GSE1: variants seen among roughly 807,000 people sequenced by gnomAD.
GSE1 encodes the protein genetic suppressor element 1.
In GSE1, 32 loss-of-function variants were observed where a neutral mutation model predicts 112.6. The ratio of observed to expected loss-of-function variants is 0.28; its 90% CI spans 0.21 to 0.38. The LOEUF (loss-of-function observed/expected upper bound fraction) is 0.38. Ranked by LOEUF, GSE1 falls within the 10% of genes least tolerant of loss-of-function variation. GSE1 has a pLI of 1.00. For missense variants in GSE1, 2,348 were observed against 1,699.2 expected (o/e 1.38, Z -6.71); for synonymous variants, 1,115 against 735.6 (o/e 1.52, Z -8.35).
chr16:85,349,741 C>G (rs994873106), intron 1 of GSE1, among the ~76,000 whole-genome samples: 3 of 152,188 alleles, frequency 2.0e-5, no homozygotes, highest in African/African-American at 7.2e-5. Flanking sequence ...ATGCTGGCGT[C>G]TCTTCCCCCT....
rs773434964 is a variant in GSE1 at position 85,661,419 on chromosome 16, A to G, written c.1914A>G (p.Pro638=). 1.9e-6 allele frequency: 3 copies of G among 1,612,076 alleles called. No homozygotes were observed. The highest frequency in any genetic ancestry group is 2.5e-6 in the Non-Finnish European group (3 of 1,179,680). ...GCCCGGAGAAAGCAGAGGAGGGGCC[A>G]CGGAAGCGTGAGCCTGCCCCTCTGG... is the stretch of plus-strand genomic sequence containing the variant. ...VFCPEKAEEG[P]RKREPAPLDK... Residue 638 remains proline, a synonymous_variant, in exon 9 of 16, where the codon CCA becomes CCG. Coordinates refer to ENST00000253458, the MANE Select transcript of GSE1 (RefSeq NM_014615.5).
At chr16:85,468,570 C>A (rs550230351) in intron 2 of GSE1, among the ~76,000 whole-genome samples, 35 of 152,110 alleles carry the variant, frequency 2.3e-4, no homozygotes, top group African/African-American at 7.9e-4. Flanking sequence ...CACCAGCCCC[C>A]CTCAGCCTCC....
chr16:85,176,944 A>C (rs1239133970), intron 1 of GSE1, among the ~76,000 whole-genome samples: 1 of 152,136 alleles, frequency 6.6e-6, no homozygotes, highest in Admixed American at 6.5e-5. Flanking sequence ...CCTGGTCAGG[A>C]CTGATTGGAA....
chr16:85,602,967 T>C (rs2047531594), intron 1 of GSE1, among the ~76,000 whole-genome samples: 1 of 152,220 alleles, frequency 6.6e-6, no homozygotes, highest in South Asian at 2.1e-4. Flanking sequence ...CCTGTGCCCC[T>C]GCCTGGGCTG....
intron 2 of GSE1, among the ~76,000 whole-genome samples, chr16:85,520,696 T>G (rs2052154307): frequency 6.6e-6 from 1 of 152,120 alleles, no homozygotes; most frequent in African/African-American, 2.4e-5. Context: ...ATGCTGGGAT[T>G]ACAGGAGTGA....
intron 2 of GSE1, among the ~76,000 whole-genome samples, chr16:85,360,841 G>C (rs1233766448): frequency 6.6e-6 from 1 of 151,574 alleles, no homozygotes; most frequent in Non-Finnish European, 1.5e-5. Context: ...TACACACACA[G>C]AAACCCGTGA....
intron 2 of GSE1, among the ~76,000 whole-genome samples, chr16:85,450,317 C>T (rs2049640252): frequency 6.6e-6 from 1 of 151,718 alleles, no homozygotes; most frequent in Admixed American, 6.6e-5. Flanking sequence ...GGGGTTTCTC[C>T]ATGTTGGTCA....
intron 14 of GSE1, 32 bp from the exon 15 acceptor site, chr16:85,670,963 G>T (rs746540070): frequency 7.2e-7 from 1 of 1,394,694 alleles, no homozygotes; most frequent in Non-Finnish European, 1.0e-6. Context: ...TCCTGCATAC[G>T]GAAAATACAT....
upstream of GSE1, chr16:85,555,528 G>A: frequency 1.0e-6 from 1 of 984,222 alleles, no homozygotes; most frequent in Non-Finnish European, 1.2e-6. Context: ...GTACTTCTTG[G>A]CTGTTTGGGT....
intron 1 of GSE1, among the ~76,000 whole-genome samples, chr16:85,181,010 C>T (rs980781648): frequency 1.3e-5 from 2 of 152,168 alleles, no homozygotes; most frequent in Non-Finnish European, 2.9e-5. Flanking sequence ...CAGATTGTGT[C>T]GTATTTTACA....
chr16:85,343,621 A>G (rs2046670503), intron 1 of GSE1, among the ~76,000 whole-genome samples: 1 of 152,112 alleles, frequency 6.6e-6, no homozygotes, highest in African/African-American at 2.4e-5. Flanking sequence ...ATGGTGGTGC[A>G]CGCCTGTAGA....
At chr16:85,491,559 T>C (rs2051011087) in intron 2 of GSE1, among the ~76,000 whole-genome samples, 1 of 152,132 alleles carries the variant, frequency 6.6e-6, no homozygotes, top group African/African-American at 2.4e-5. Flanking sequence ...CAGGGAGGCC[T>C]GGCCTGTGGG....
At chr16:85,378,260 C>T (rs1046162783) in intron 2 of GSE1, among the ~76,000 whole-genome samples, 3 of 152,154 alleles carry the variant, frequency 2.0e-5, no homozygotes, top group Non-Finnish European at 2.9e-5. Flanking sequence ...GTTCAGGTTC[C>T]GCCAGCCCCT....
chr16:85,401,962 G>A (rs1046479651), intron 2 of GSE1, among the ~76,000 whole-genome samples: 3 of 152,242 alleles, frequency 2.0e-5, no homozygotes, highest in Admixed American at 6.5e-5. Flanking sequence ...GTCTGCAGGT[G>A]CAGCTCAGTG....
intron 2 of GSE1, among the ~76,000 whole-genome samples, chr16:85,518,511 C>T (rs28613132): frequency 0.27 from 40,449 of 151,902 alleles, 5,746 homozygotes; most frequent in East Asian, 0.43. Flanking sequence ...GGCTGGGCTG[C>T]TGAAGGGGCC....
At chr16:85,299,128 T>G (rs2045448016) in intron 1 of GSE1, among the ~76,000 whole-genome samples, 1 of 152,240 alleles carries the variant, frequency 6.6e-6, no homozygotes, top group Non-Finnish European at 1.5e-5. Context: ...GTTAGGTCAG[T>G]CAAATCCCAT....
At chr16:85,385,467 C>T (rs2047667510) in intron 2 of GSE1, among the ~76,000 whole-genome samples, 1 of 152,130 alleles carries the variant, frequency 6.6e-6, no homozygotes, top group South Asian at 2.1e-4. Context: ...ACATACTTGC[C>T]TCCCACCACT....
intron 1 of GSE1, among the ~76,000 whole-genome samples, chr16:85,277,195 G>A (rs1393921886): frequency 6.6e-6 from 1 of 152,198 alleles, no homozygotes; most frequent in Admixed American, 6.5e-5. Flanking sequence ...GGCAGGTGAG[G>A]TGGCGGTGGG....
intron 1 of GSE1, among the ~76,000 whole-genome samples, chr16:85,329,589 G>C (rs943073525): frequency 2.0e-5 from 3 of 152,082 alleles, no homozygotes; most frequent in African/African-American, 7.2e-5. Flanking sequence ...AAGCCCCTGG[G>C]GGGCTGCGGG....
Sources: gnomAD v4.1 joint callset for allele counts (sites outside exome capture counted in the v4.1 genomes callset) on GRCh38, gnomAD v4.1.1 for gene constraint, MANE v1.5 for transcripts, NCBI Gene and HGNC (gene_info 2026-07-23, HGNC 2026-07-21) for gene names.